Variants in SCFD2 observed in about 807,000 individuals in gnomAD.
SCFD2 encodes sec1 family domain containing 2.
SCFD2 carries 54 observed loss-of-function variants against 58.9 expected under a neutral mutation model. The observed-to-expected ratio is 0.92, with a 90% CI of 0.74 to 1.15. The LOEUF (loss-of-function observed/expected upper bound fraction) is 1.15. SCFD2 is among the 50% of genes most tolerant of loss of function. SCFD2 has a pLI of 0.00. For synonymous variants in SCFD2, 321 were observed against 335.9 expected (o/e 0.96, Z 0.49); for missense variants, 805 against 836.6 (o/e 0.96, Z 0.47).
At chr4:52,925,163 G>C (rs1213136188) in intron 5 of SCFD2, among the ~76,000 whole-genome samples, 1 of 151,898 alleles carries the variant, frequency 6.6e-6, no homozygotes, top group African/African-American at 2.4e-5. Context: ...TCAGTACATG[G>C]TAAAGCTAAG....
rs1312257982 is a variant in SCFD2 at position 53,105,314 on chromosome 4, AC to A, written c.1561+40018del. ...GAGTTTTTTTTCATACCCCAGTGGC[AC>A]CTGGAATACCACCGAGACAGAGCCG... is the stretch of plus-strand genomic sequence containing the variant. On this transcript the variant is annotated intron_variant, in intron 5 of 8. Transcript: ENST00000401642. Among the ~76,000 whole-genome samples the A allele has an allele frequency of 2.2e-5, 3 of 138,474 alleles. No homozygotes were observed. In the East Asian group the frequency reaches 6.4e-4, roughly 30 times the overall value. 90.8% of individuals were successfully genotyped at this position (138,474 alleles called of 152,430 possible).
chr4:53,036,643 T>C (rs1256233982), intron 5 of SCFD2, among the ~76,000 whole-genome samples: 1 of 151,422 alleles, frequency 6.6e-6, no homozygotes, highest in South Asian at 2.1e-4. Flanking sequence ...AGTTGAACAA[T>C]GAGAAAATAT....
chr4:53,102,986 C>G (rs1015837845), intron 5 of SCFD2, among the ~76,000 whole-genome samples: 16 of 152,032 alleles, frequency 1.1e-4, no homozygotes, highest in Non-Finnish European at 2.4e-4. Context: ...AAGGCTCTTC[C>G]TTCTGGTAGA....
intron 5 of SCFD2, among the ~76,000 whole-genome samples, chr4:53,017,077 C>A (rs955306228): frequency 1.3e-5 from 2 of 151,900 alleles, no homozygotes; most frequent in African/African-American, 4.9e-5. Flanking sequence ...CACTGCACTC[C>A]AGCCTGGGCA....
chr4:53,118,389 TATTG>T (rs1433963447), intron 5 of SCFD2, among the ~76,000 whole-genome samples: 2 of 152,200 alleles, frequency 1.3e-5, no homozygotes, highest in Non-Finnish European at 2.9e-5. Flanking sequence ...TTTGAGTAGT[TATTG>T]ATTAAATAAA....
At chr4:52,895,565 C>T (rs1180029167) in intron 7 of SCFD2, among the ~76,000 whole-genome samples, 1 of 152,140 alleles carries the variant, frequency 6.6e-6, no homozygotes, top group Non-Finnish European at 1.5e-5. Context: ...TTAATCCAGT[C>T]TATCATTGTT....
intron 5 of SCFD2, among the ~76,000 whole-genome samples, chr4:53,015,527 G>A (rs199625930): frequency 2.0e-5 from 3 of 152,108 alleles, no homozygotes; most frequent in East Asian, 1.9e-4. Context: ...TCTCTCAAAC[G>A]CACGTTGTCA....
chr4:52,972,087 G>A (rs12508306), intron 5 of SCFD2, among the ~76,000 whole-genome samples: 2 of 151,944 alleles, frequency 1.3e-5, no homozygotes, highest in Admixed American at 6.6e-5. Flanking sequence ...GACCATCGAG[G>A]CTAGGAAGAA....
chr4:52,971,361 A>G lies in SCFD2; in HGVS notation c.1562-50491T>C, dbSNP rs541241047. Among the ~76,000 whole-genome samples the G allele has an allele frequency of 4.6e-5, 7 of 152,372 alleles. No homozygotes were observed. The East Asian group carries it at 1.4e-3, about 29-fold the overall frequency. On this transcript the variant is annotated intron_variant, in intron 5 of 8. Coordinates refer to ENST00000401642, the MANE Select transcript of SCFD2 (RefSeq NM_152540.4). ...CTGAAAACCATGGCACGAGAACTACATGACGAATGCACAAGCCTCGTAGCT... is the reference window on the plus strand; with the variant it reads ...CTGAAAACCATGGCACGAGAACTACGTGACGAATGCACAAGCCTCGTAGCT...
intron 5 of SCFD2, among the ~76,000 whole-genome samples, chr4:53,046,527 T>C (rs1193680369): frequency 5.3e-5 from 8 of 151,854 alleles, no homozygotes. Flanking sequence ...TACCATTTTT[T>C]AAAGAGCACA....
intron 5 of SCFD2, among the ~76,000 whole-genome samples, chr4:52,934,001 A>C (rs997625490): frequency 6.6e-6 from 1 of 152,178 alleles, no homozygotes; most frequent in African/African-American, 2.4e-5. Flanking sequence ...TGGAATTTCC[A>C]GTCTCCAGAA....
chr4:53,149,407 T>C (rs1049788664), intron 4 of SCFD2, among the ~76,000 whole-genome samples: 14 of 152,240 alleles, frequency 9.2e-5, no homozygotes, highest in African/African-American at 3.1e-4. Flanking sequence ...AATAAAGTAG[T>C]ATTTGATTTT....
intron 5 of SCFD2, among the ~76,000 whole-genome samples, chr4:53,032,587 T>C (rs1577673112): frequency 6.6e-6 from 1 of 152,022 alleles, no homozygotes; most frequent in South Asian, 2.1e-4. Context: ...AATAAAGGGA[T>C]GGAGGAATAT....
intron 4 of SCFD2, among the ~76,000 whole-genome samples, chr4:53,252,895 C>A (rs374236333): frequency 3.9e-5 from 6 of 152,074 alleles, no homozygotes; most frequent in South Asian, 2.1e-4. Flanking sequence ...AATGGGATCT[C>A]ATTAAACTAA....
chr4:53,143,807 C>CACACACAA (rs1221764425), intron 5 of SCFD2, among the ~76,000 whole-genome samples: 3 of 151,560 alleles, frequency 2.0e-5, no homozygotes, highest in Non-Finnish European at 4.4e-5. Flanking sequence ...CACACACACA[C>CACACACAA]ACACACACAC....
At chr4:52,911,299 T>C (rs1719480113) in intron 6 of SCFD2, among the ~76,000 whole-genome samples, 1 of 152,020 alleles carries the variant, frequency 6.6e-6, no homozygotes. Flanking sequence ...TTGGGGTAAG[T>C]AGGGACACTA....
At chr4:53,346,601 A>G (rs764916967) in intron 2 of SCFD2, among the ~76,000 whole-genome samples, 1 of 152,140 alleles carries the variant, frequency 6.6e-6, no homozygotes, top group Non-Finnish European at 1.5e-5. Context: ...GTTACAACTT[A>G]CTCAATCATT....
At chr4:53,327,438 A>C (rs1232759669) in intron 2 of SCFD2, among the ~76,000 whole-genome samples, 1 of 152,140 alleles carries the variant, frequency 6.6e-6, no homozygotes, top group African/African-American at 2.4e-5. Flanking sequence ...CCACACCAAG[A>C]GTATGATGCA....
At chr4:53,090,362 A>C (rs1414787245) in intron 5 of SCFD2, among the ~76,000 whole-genome samples, 1 of 152,190 alleles carries the variant, frequency 6.6e-6, no homozygotes, top group Non-Finnish European at 1.5e-5. Flanking sequence ...ATGCCAAAAG[A>C]GATAGAATGG....
Sources: gnomAD v4.1 joint callset for allele counts (sites outside exome capture counted in the v4.1 genomes callset) on GRCh38, gnomAD v4.1.1 for gene constraint, MANE v1.5 for transcripts, NCBI Gene and HGNC (gene_info 2026-07-23, HGNC 2026-07-21) for gene names.